Variants in EIF3H observed in about 807,000 individuals in gnomAD.
EIF3H encodes eukaryotic translation initiation factor 3 subunit H.
In EIF3H, 26 loss-of-function variants were observed where a neutral mutation model predicts 44.2. That is an observed-to-expected ratio of 0.59 (90% CI 0.43 to 0.82). EIF3H has a LOEUF of 0.82. Among genes scored for constraint, EIF3H ranks in the 40% least tolerant of loss-of-function variants. The probability of loss-of-function intolerance (pLI) is 0.00; values close to 1 mark genes in which losing one functional copy is unlikely to be tolerated. For missense variants in EIF3H, 359 were observed against 432.8 expected (o/e 0.83, Z 1.51); for synonymous variants, 166 against 151.9 (o/e 1.09, Z -0.68).
intron 2 of EIF3H, among the ~76,000 whole-genome samples, chr8:116,670,747 T>C (rs1160216985): frequency 6.6e-6 from 1 of 152,218 alleles, no homozygotes; most frequent in Non-Finnish European, 1.5e-5. Flanking sequence ...GTTAGAAATG[T>C]ACCTTAGATA....
At chr8:116,757,546 C>T (rs1815470727), upstream of EIF3H, among the ~76,000 whole-genome samples, 1 of 151,838 alleles carries the variant, frequency 6.6e-6, no homozygotes, top group Non-Finnish European at 1.5e-5. Context: ...GTGACCTCAT[C>T]CAAGCTTTAC....
Position 116,735,001 on chromosome 8 carries a change from G to A in EIF3H, c.133-8829C>T, listed in dbSNP as rs562358697. ...CCATAGCTTTTAATTAGCAATATGC[G>A]TATTCCTAATGCCAGGGTCAGGGTC... On this transcript the variant is annotated intron_variant, in intron 1 of 7. Coordinates refer to ENST00000521861, the MANE Select transcript of EIF3H (RefSeq NM_003756.3). Among the ~76,000 whole-genome samples, 14 of 152,298 alleles carry A rather than the reference G, an allele frequency of 9.2e-5. No individual in the cohort carries two copies. The South Asian group carries it at 1.0e-3, about 11-fold the overall frequency.
At chr8:116,654,854 C>T (rs1813462105) in intron 5 of EIF3H, among the ~76,000 whole-genome samples, 1 of 151,974 alleles carries the variant, frequency 6.6e-6, no homozygotes, top group Non-Finnish European at 1.5e-5. Flanking sequence ...TGTCTCTGGC[C>T]CTTCTGGGTT....
chr8:116,675,188 C>A (rs1241256471), intron 2 of EIF3H, among the ~76,000 whole-genome samples: 2 of 152,168 alleles, frequency 1.3e-5, no homozygotes, highest in Non-Finnish European at 2.9e-5. Flanking sequence ...CACAAAGATT[C>A]TTGGAACTAG....
intron 2 of EIF3H, among the ~76,000 whole-genome samples, chr8:116,704,258 G>A (rs907797052): frequency 6.6e-6 from 1 of 152,198 alleles, no homozygotes; most frequent in Non-Finnish European, 1.5e-5. Flanking sequence ...AATGGGAACA[G>A]TAACAGTACT....
chr8:116,755,473 T>G, intron 1 of EIF3H, among the ~76,000 whole-genome samples, 193 bp downstream of exon 1: 1 of 152,034 alleles, frequency 6.6e-6, no homozygotes, highest in Non-Finnish European at 1.5e-5. Context: ...GCCCCAACTG[T>G]CCCGTTAGAA....
intron 1 of EIF3H, among the ~76,000 whole-genome samples, chr8:116,735,746 C>A (rs1166988651): frequency 6.6e-6 from 1 of 151,852 alleles, no homozygotes; most frequent in Admixed American, 6.6e-5. Context: ...TGTATCAAGC[C>A]CCCACTTTAT....
intron 2 of EIF3H, among the ~76,000 whole-genome samples, chr8:116,690,534 A>G: frequency 6.6e-6 from 1 of 152,192 alleles, no homozygotes; most frequent in East Asian, 1.9e-4. Context: ...ATCTCTAAAT[A>G]AACAAAACAA....
chr8:116,762,830 G>C (rs1457478004), intron 1 of EIF3H, among the ~76,000 whole-genome samples: 2 of 152,206 alleles, frequency 1.3e-5, no homozygotes, highest in Non-Finnish European at 2.9e-5. Flanking sequence ...TGTAATCCCA[G>C]CTACTTAGAA....
intron 1 of EIF3H, among the ~76,000 whole-genome samples, chr8:116,736,924 T>C (rs1052066549): frequency 2.0e-5 from 3 of 152,150 alleles, no homozygotes; most frequent in African/African-American, 7.2e-5. Flanking sequence ...CAAAAATAAA[T>C]TAAATTGTAT....
intron 2 of EIF3H, among the ~76,000 whole-genome samples, chr8:116,685,698 A>G (rs1174136946): frequency 6.6e-6 from 1 of 152,206 alleles, no homozygotes; most frequent in Non-Finnish European, 1.5e-5. Context: ...TATTAACTCA[A>G]AAGGCACACA....
intron 2 of EIF3H, among the ~76,000 whole-genome samples, chr8:116,670,485 C>T (rs1813734626): frequency 2.6e-5 from 4 of 152,158 alleles, no homozygotes; most frequent in Admixed American, 2.6e-4. Flanking sequence ...TACCCTTCTC[C>T]TACCAAAAAC....
intron 7 of EIF3H, 30 bp from the exon 8 acceptor site, chr8:116,645,133 A>C: frequency 6.5e-7 from 1 of 1,528,326 alleles, no homozygotes; most frequent in Non-Finnish European, 9.0e-7. Context: ...ATAGAGCCAT[A>C]ATGTTCCACA....
intron 2 of EIF3H, among the ~76,000 whole-genome samples, chr8:116,722,877 T>G (rs1563653198): frequency 1.3e-5 from 2 of 152,224 alleles, no homozygotes; most frequent in African/African-American, 4.8e-5. Context: ...CATGTGAAAC[T>G]TTTGAAATAA....
chr8:116,724,659 T>A (rs1814803710), intron 2 of EIF3H, among the ~76,000 whole-genome samples: 1 of 152,114 alleles, frequency 6.6e-6, no homozygotes, highest in South Asian at 2.1e-4. Flanking sequence ...TTCAAAGATA[T>A]ACAAATCACC....
At chr8:116,713,784 C>T (rs1291380638) in intron 2 of EIF3H, among the ~76,000 whole-genome samples, 2 of 152,040 alleles carry the variant, frequency 1.3e-5, no homozygotes, top group East Asian at 3.8e-4. Flanking sequence ...GATTATTTAG[C>T]AGTAAATCAC....
chr8:116,687,384 A>G (rs762861554), intron 2 of EIF3H, among the ~76,000 whole-genome samples: 11 of 152,190 alleles, frequency 7.2e-5, no homozygotes, highest in Non-Finnish European at 1.6e-4. Context: ...AAAATGACTA[A>G]AAATCTCCAT....
chr8:116,709,003 A>T (rs1017129969), intron 2 of EIF3H, among the ~76,000 whole-genome samples: 1 of 150,936 alleles, frequency 6.6e-6, no homozygotes, highest in Non-Finnish European at 1.5e-5. Context: ...TTTAAAAAAA[A>T]AAAAAAATTT....
chr8:116,717,483 T>A (rs773437612), intron 2 of EIF3H, among the ~76,000 whole-genome samples: 9 of 152,052 alleles, frequency 5.9e-5, no homozygotes. Flanking sequence ...AGGAATCACA[T>A]TACCTGACTT....
Sources: allele counts gnomAD v4.1 joint callset (sites outside exome capture counted in the v4.1 genomes callset), GRCh38; gene constraint gnomAD v4.1.1; transcripts MANE v1.5; gene names NCBI Gene and HGNC (gene_info 2026-07-23, HGNC 2026-07-21).